The following RGS3 variants were observed in gnomAD, a reference collection of about 807,000 sequenced individuals.
The protein encoded by RGS3 is regulator of G protein signaling 3.
RGS3 carries 80 observed loss-of-function variants against 132.6 expected under a neutral mutation model. The observed-to-expected ratio is 0.60, with a 90% CI of 0.50 to 0.73. RGS3 has a LOEUF of 0.73. RGS3 is among the 30% of genes least tolerant of loss of function. RGS3 has a pLI of 0.00. For synonymous variants in RGS3, 598 were observed against 620.6 expected (o/e 0.96, Z 0.54); for missense variants, 1,382 against 1,530.8 (o/e 0.90, Z 1.62).
intron 17 of RGS3, among the ~76,000 whole-genome samples, chr9:113,525,366 G>T (rs886295232): frequency 2.6e-5 from 4 of 152,106 alleles, no homozygotes; most frequent in Admixed American, 2.0e-4. Context: ...TGGAAGTTTA[G>T]TGACCCCTTC....
rs1468519140 is a variant in RGS3 at position 113,523,202 on chromosome 9, T to C, written c.1870+161T>C. Among the ~76,000 whole-genome samples the C allele has an allele frequency of 2.1e-4, 32 of 152,172 alleles. 1 individual carries two copies. Among genetic ancestry groups the C allele is most frequent in the Admixed American group, 2.1e-3 (32 of 15,282 alleles). Reference sequence around the variant, plus strand: ...TAGTAGGTCTCAGACACTGGCATTCTTTCTAGGCTGGTAAGCCTTCTGATA... The same window carrying C: ...TAGTAGGTCTCAGACACTGGCATTCCTTCTAGGCTGGTAAGCCTTCTGATA... On this transcript the variant is annotated intron_variant, in intron 17 of 24. Transcript: ENST00000350696.
exon 20 of RGS3, chr9:113,584,194 G>A: frequency 6.2e-7 from 1 of 1,614,192 alleles, no homozygotes; most frequent in African/African-American, 1.3e-5. Context: ...GGCTGAGGGT[G>A]GCCTCTCACT....
intron 19 of RGS3, among the ~76,000 whole-genome samples, chr9:113,569,594 C>CTTCT (rs1834182836): frequency 7.4e-6 from 1 of 135,712 alleles, no homozygotes; most frequent in Non-Finnish European, 1.6e-5. Flanking sequence ...TCCTTCCTTC[C>CTTCT]TTCCTTCCTT....
chr9:113,575,868 A>G (rs565268166), intron 19 of RGS3, among the ~76,000 whole-genome samples: 1 of 152,324 alleles, frequency 6.6e-6, no homozygotes, highest in African/African-American at 2.4e-5. Context: ...AAGAACCAAT[A>G]GTCTAGGTCG....
rs1833974562 is a variant in RGS3 at position 113,565,801 on chromosome 9, A to G, written c.2038-17649A>G. On this transcript the variant is annotated intron_variant, in intron 19 of 24. Coordinates refer to ENST00000350696, the Ensembl canonical transcript of RGS3. This position sits in a 1 kb window ranked among gnomAD's most constrained non-coding sequence, Gnocchi z 5.7. ...CAAGCCACCCTGTGCCCCTGTTTCTATTGTTTCTTCCCCAGGGCAGCCATT... is the reference window on the plus strand; with the variant it reads ...CAAGCCACCCTGTGCCCCTGTTTCTGTTGTTTCTTCCCCAGGGCAGCCATT... 1.0e-5 allele frequency: 2 copies of G among 191,714 alleles called. No homozygotes were observed. Among genetic ancestry groups the G allele is most frequent in the South Asian group, 1.8e-4 (2 of 11,372 alleles). 11.9% of individuals were successfully genotyped at this position (191,714 alleles called of 1,614,324 possible).
chr9:113,538,049 G>A (rs1832751832), intron 19 of RGS3, among the ~76,000 whole-genome samples: 1 of 152,244 alleles, frequency 6.6e-6, no homozygotes, highest in South Asian at 2.1e-4. Context: ...CTGGCAGTGG[G>A]AACTTGGGCA....
At chr9:113,445,508 T>C (rs1050392090) in intron 1 of RGS3, among the ~76,000 whole-genome samples, 4 of 152,118 alleles carry the variant, frequency 2.6e-5, no homozygotes, top group Non-Finnish European at 4.4e-5. Flanking sequence ...TGGGTTACCA[T>C]AATTTTCTAA....
chr9:113,494,562 CTGCAGCT>C (rs1830624673), intron 7 of RGS3, among the ~76,000 whole-genome samples: 1 of 152,258 alleles, frequency 6.6e-6, no homozygotes. Context: ...TCACAGTTCA[CTGCAGCT>C]TTGACCTCCC....
intron 21 of RGS3, chr9:113,594,108 C>T: frequency 6.2e-7 from 1 of 1,613,156 alleles, no homozygotes. Flanking sequence ...AGTCCCAGCC[C>T]CGGCTTGTGC....
Position 113,591,350 on chromosome 9 carries a change from C to T in RGS3, c.3033C>T (p.Thr1011=), listed in dbSNP as rs778689521. The T allele has an allele frequency of 1.2e-5, 20 of 1,613,524 alleles. No homozygotes were observed. The highest frequency in any genetic ancestry group is 2.2e-5 in the East Asian group (1 of 44,894). Residue 1011 remains threonine (T), a synonymous_variant, in exon 21 of 25, where the codon ACC becomes ACT. Coordinates refer to ENST00000350696, the Ensembl canonical transcript of RGS3. This position sits in a 1 kb window ranked among gnomAD's most constrained non-coding sequence, Gnocchi z 4.4. ...CTCCGCAGATGAGCGGGGCTGACACCGTTGGGGATGATGACGAAGCCTCCC... is the reference window on the plus strand; with the variant it reads ...CTCCGCAGATGAGCGGGGCTGACACTGTTGGGGATGATGACGAAGCCTCCC...
chr9:113,472,667 G>A (rs1376031795), intron 3 of RGS3, among the ~76,000 whole-genome samples: 1 of 152,174 alleles, frequency 6.6e-6, no homozygotes, highest in Non-Finnish European at 1.5e-5. Context: ...TTCTTTTAGG[G>A]GAGGATGAAA....
rs1004315790 is a variant in RGS3, at chr9:113,463,701, C to T, written c.415+1500C>T. ...CGTTCCAACGCTTGGGGCAGCCCTA[C>T]CTCCCGCTCGCGCTCCTCCCGCCCT... On this transcript the variant is annotated intron_variant, in intron 3 of 24. Transcript: ENST00000350696. The surrounding 1 kb of genome is among the most constrained non-coding windows in gnomAD (Gnocchi z 4.6). 9.0e-6 allele frequency: 13 copies of T among 1,437,978 alleles called. No individual in the cohort carries two copies. The African/African-American group carries it at 1.6e-4, about 18-fold the overall frequency. 89.1% of individuals were successfully genotyped at this position (1,437,978 alleles called of 1,614,324 possible).
At chr9:113,542,820 A>G (rs1832958920) in intron 19 of RGS3, among the ~76,000 whole-genome samples, 1 of 152,208 alleles carries the variant, frequency 6.6e-6, no homozygotes, top group South Asian at 2.1e-4. Context: ...CATGCTGAGC[A>G]TTGTGATAGG....
chr9:113,528,770 C>T (rs1422337525), intron 17 of RGS3, among the ~76,000 whole-genome samples: 3 of 152,234 alleles, frequency 2.0e-5, no homozygotes, highest in Non-Finnish European at 4.4e-5. Context: ...CTGCACAGCC[C>T]ACCATTCCTT....
chr9:113,577,419 G>C (rs1205299876), intron 19 of RGS3, among the ~76,000 whole-genome samples: 1 of 152,214 alleles, frequency 6.6e-6, no homozygotes, highest in African/African-American at 2.4e-5. Flanking sequence ...ATCAGGATTT[G>C]AGGATTGACC....
At chr9:113,464,222 T>A (rs1829555542) in intron 3 of RGS3, among the ~76,000 whole-genome samples, 2 of 152,244 alleles carry the variant, frequency 1.3e-5, no homozygotes, top group African/African-American at 4.8e-5. Context: ...TAAATCAAGG[T>A]CTTGTTATAG....
intron 24 of RGS3, 138 bp from the exon 23 acceptor site, chr9:113,596,630 C>T (rs1835792770): frequency 3.0e-6 from 2 of 670,100 alleles, no homozygotes; most frequent in South Asian, 4.0e-5. Context: ...GTCTGAGGGT[C>T]TCTACTTCAG....
intron 7 of RGS3, 123 bp downstream of exon 5, chr9:113,485,816 C>T (rs898678351): frequency 2.1e-5 from 14 of 670,272 alleles, no homozygotes; most frequent in Middle Eastern, 4.1e-4. Flanking sequence ...AGTGGCAATA[C>T]TAAATTGCAG....
At chr9:113,494,539 C>G (rs1255781846) in intron 7 of RGS3, among the ~76,000 whole-genome samples, 2 of 152,200 alleles carry the variant, frequency 1.3e-5, no homozygotes, top group Non-Finnish European at 2.9e-5. Context: ...GAGGGAGGAA[C>G]AGTAACACAC....
Sources: allele counts gnomAD v4.1 joint callset (sites outside exome capture counted in the v4.1 genomes callset), GRCh38; gene constraint gnomAD v4.1.1; non-coding constraint Gnocchi (gnomAD v3.1); transcripts MANE v1.5; gene names NCBI Gene and HGNC (gene_info 2026-07-23, HGNC 2026-07-21).